ABHD17C: variants seen among roughly 807,000 people sequenced by gnomAD.
ABHD17C encodes the protein alpha/beta hydrolase domain-containing protein 17C.
A neutral mutation model predicts 27.9 loss-of-function variants in ABHD17C; 11 were observed. That is an observed-to-expected ratio of 0.39 (90% CI 0.25 to 0.65). The LOEUF (loss-of-function observed/expected upper bound fraction) is 0.65, where lower values mean the gene tolerates loss of function less well. Ranked by LOEUF, ABHD17C falls within the 30% of genes least tolerant of loss-of-function variation. The pLI, the probability that ABHD17C is intolerant of heterozygous loss-of-function variation, is 0.45. For missense variants in ABHD17C, 280 were observed against 470.2 expected (o/e 0.60, Z 3.74); for synonymous variants, 233 against 209.1 (o/e 1.11, Z -0.98).
intron 1 of ABHD17C, among the ~76,000 whole-genome samples, chr15:80,708,106 A>G (rs889000890): frequency 7.2e-5 from 11 of 152,070 alleles, no homozygotes; most frequent in African/African-American, 2.7e-4. Context: ...CCAGGCTCCA[A>G]GTCACAGAGT....
intron 1 of ABHD17C, among the ~76,000 whole-genome samples, chr15:80,727,638 C>T (rs1894999406): frequency 6.6e-6 from 1 of 151,874 alleles, no homozygotes; most frequent in Admixed American, 6.6e-5. Context: ...GGACTGTGAA[C>T]CAATGCTTGT....
intron 1 of ABHD17C, among the ~76,000 whole-genome samples, chr15:80,709,772 G>A (rs900919355): frequency 5.9e-5 from 9 of 152,026 alleles, no homozygotes; most frequent in African/African-American, 1.5e-4. Context: ...CTTGTACCTC[G>A]TGATCACCTG....
At chr15:80,715,014 C>G (rs1250673210) in intron 1 of ABHD17C, among the ~76,000 whole-genome samples, 1 of 152,192 alleles carries the variant, frequency 6.6e-6, no homozygotes, top group Non-Finnish European at 1.5e-5. Flanking sequence ...ATCTCCTGAC[C>G]TCGTGATCCG....
intron 1 of ABHD17C, among the ~76,000 whole-genome samples, chr15:80,700,283 G>A (rs1173089985): frequency 1.3e-5 from 2 of 152,210 alleles, no homozygotes; most frequent in African/African-American, 2.4e-5. Context: ...GAAGAATGAG[G>A]TGTAAAGGAG....
intron 1 of ABHD17C, among the ~76,000 whole-genome samples, chr15:80,747,122 A>C (rs1895298657): frequency 6.6e-6 from 1 of 152,156 alleles, no homozygotes; most frequent in African/African-American, 2.4e-5. Flanking sequence ...TTTAAAAATA[A>C]TTGATAGGAA....
At chr15:80,744,756 C>T (rs1387316328) in intron 1 of ABHD17C, among the ~76,000 whole-genome samples, 1 of 152,208 alleles carries the variant, frequency 6.6e-6, no homozygotes, top group African/African-American at 2.4e-5. Flanking sequence ...TACTCAGTCT[C>T]ACCACCTGAA....
chr15:80,733,414 G>A (rs7167767), intron 1 of ABHD17C, among the ~76,000 whole-genome samples: 109,245 of 151,918 alleles, frequency 0.72, 40,021 homozygotes, highest in African/African-American at 0.87. Context: ...CTGACATCCT[G>A]GGGAGGACTG....
intron 1 of ABHD17C, among the ~76,000 whole-genome samples, chr15:80,736,150 C>T (rs184635697): frequency 2.0e-3 from 302 of 152,278 alleles, no homozygotes; most frequent in African/African-American, 6.2e-3. Context: ...ACCAAAACAG[C>T]GGATACTTTA....
At chr15:80,701,322 A>G (rs1321412457) in intron 1 of ABHD17C, among the ~76,000 whole-genome samples, 2 of 152,166 alleles carry the variant, frequency 1.3e-5, no homozygotes, top group Non-Finnish European at 1.5e-5. Context: ...AGGGAATACT[A>G]TGATGCCACT....
chr15:80,741,317 G>A (rs148175540), intron 1 of ABHD17C, among the ~76,000 whole-genome samples: 76 of 152,136 alleles, frequency 5.0e-4, no homozygotes, highest in African/African-American at 1.8e-3. Flanking sequence ...ACTGAGGATA[G>A]TCCTGAGCCC....
At chr15:80,742,459 T>G (rs550203477) in intron 1 of ABHD17C, among the ~76,000 whole-genome samples, 73 of 152,232 alleles carry the variant, frequency 4.8e-4, no homozygotes, top group Non-Finnish European at 7.1e-4. Flanking sequence ...AAGAGAGAGA[T>G]AATTTTCCTG....
At position 80,695,617 on chromosome 15, in the gene ABHD17C, C is replaced by CCGG. The variant is rs1894483099; in HGVS notation, c.190_191insGCG (p.Thr63_Ala64insGly). The CCGG allele has an allele frequency of 1.8e-6, 2 of 1,138,390 alleles. No homozygotes were observed. The highest frequency in any genetic ancestry group is 2.2e-6 in the Non-Finnish European group (2 of 929,510). The allele number at this position is 1,138,390 out of a possible 1,614,324, so 70.5% of individuals were successfully genotyped here. On this transcript the variant is annotated inframe_insertion, in exon 1 of 3. Transcript: ENST00000258884. The surrounding 1 kb of genome is among the most constrained non-coding windows in gnomAD (Gnocchi z 4.3). ...TCCGCCCCGGCCCCGGCCCAGGCTACCGCCGCCGCCGCCGCGGCCCAGCCG... is the reference window on the plus strand; with the variant it reads ...TCCGCCCCGGCCCCGGCCCAGGCTACCGGCGCCGCCGCCGCCGCGGCCCAGCCG...
rs1895419642 is a variant in ABHD17C at position 80,755,429 on chromosome 15, T to G, written c.*1059T>G. On this transcript the variant is annotated 3_prime_UTR_variant, in exon 3 of 3. Coordinates refer to ENST00000258884, the MANE Select transcript of ABHD17C (RefSeq NM_021214.2). ...TAGGAGATGCTTAACATTGCTATAC[T>G]ACTTGTGTTGGTTAGGGGTTTGGAT... is the stretch of plus-strand genomic sequence containing the variant. 1 of 152,252 alleles carries G rather than the reference T, an allele frequency of 6.6e-6. No homozygotes were observed. The highest frequency in any genetic ancestry group is 2.4e-5 in the African/African-American group (1 of 41,460). 9.4% of individuals were successfully genotyped at this position (152,252 alleles called of 1,614,324 possible).
chr15:80,726,490 T>C (rs1339871481), intron 1 of ABHD17C, among the ~76,000 whole-genome samples: 3 of 149,880 alleles, frequency 2.0e-5, no homozygotes, highest in Non-Finnish European at 4.4e-5. Flanking sequence ...GGTTAATTGC[T>C]TCTTTTTCTG....
intron 1 of ABHD17C, among the ~76,000 whole-genome samples, chr15:80,700,468 G>A (rs1196182788): frequency 6.6e-6 from 1 of 152,134 alleles, no homozygotes; most frequent in South Asian, 2.1e-4. Context: ...GGTAATGTGG[G>A]CAGAGAAACG....
intron 1 of ABHD17C, among the ~76,000 whole-genome samples, chr15:80,708,974 G>A (rs1160100132): frequency 6.6e-6 from 1 of 152,132 alleles, no homozygotes; most frequent in Non-Finnish European, 1.5e-5. Context: ...GAGGGAGGCA[G>A]TTGGAGACCC....
intron 1 of ABHD17C, among the ~76,000 whole-genome samples, chr15:80,734,663 AG>A (rs1335435949): frequency 2.0e-5 from 3 of 152,216 alleles, no homozygotes; most frequent in African/African-American, 7.2e-5. Flanking sequence ...GCACAGAGAA[AG>A]GGTATATGGT....
intron 1 of ABHD17C, among the ~76,000 whole-genome samples, chr15:80,723,598 C>G (rs565700350): frequency 1.3e-5 from 2 of 152,226 alleles, no homozygotes; most frequent in African/African-American, 4.8e-5. Flanking sequence ...CTAGTACACA[C>G]TAAATGACTC....
intron 1 of ABHD17C, among the ~76,000 whole-genome samples, chr15:80,714,257 G>T (rs181306914): frequency 5.3e-5 from 8 of 152,156 alleles, no homozygotes; most frequent in Admixed American, 1.3e-4. Flanking sequence ...CGCCCAGCCT[G>T]TCTCCATTTA....
Sources: gnomAD v4.1 joint callset for allele counts (sites outside exome capture counted in the v4.1 genomes callset) on GRCh38, gnomAD v4.1.1 for gene constraint, Gnocchi (gnomAD v3.1) non-coding constraint, MANE v1.5 for transcripts, NCBI Gene and HGNC (gene_info 2026-07-23, HGNC 2026-07-21) for gene names.